The following B3GALT1 variants were observed in gnomAD, a reference collection of about 807,000 sequenced individuals.
B3GALT1 encodes the protein beta-1,3-galactosyltransferase 1.
A neutral mutation model predicts 23.2 loss-of-function variants in B3GALT1; 10 were observed. The ratio of observed to expected loss-of-function variants is 0.43; its 90% confidence interval spans 0.27 to 0.73. The LOEUF is 0.73. Ranked by LOEUF, B3GALT1 falls within the 30% of genes least tolerant of loss-of-function variation. B3GALT1 has a pLI of 0.21. For synonymous variants in B3GALT1, 156 were observed against 141.5 expected (o/e 1.10, Z -0.73); for missense variants, 299 against 405.4 (o/e 0.74, Z 2.25).
chr2:167,585,929 C>G (rs1381451228), intron 2 of B3GALT1, among the ~76,000 whole-genome samples: 1 of 152,150 alleles, frequency 6.6e-6, no homozygotes, highest in Non-Finnish European at 1.5e-5. Flanking sequence ...GTATATGTAT[C>G]CATTTTTATG....
intron 3 of B3GALT1, among the ~76,000 whole-genome samples, chr2:167,687,019 G>C (rs73017494): frequency 6.6e-6 from 1 of 152,110 alleles, no homozygotes; most frequent in African/African-American, 2.4e-5. Context: ...ATATTCTGCC[G>C]TGGGTGTGTT....
In B3GALT1 at chr2:167,798,641, C is replaced by T. The variant is rs545840990; in HGVS notation, c.-351-20031C>T. On this transcript the variant is annotated intron_variant, in intron 3 of 4. Transcript: ENST00000392690. ...TTCTCTATTATGTTCTATTGGTCTACGTGTCTATTTTTATACCAGTTCCAT... is the reference window on the plus strand; with the variant it reads ...TTCTCTATTATGTTCTATTGGTCTATGTGTCTATTTTTATACCAGTTCCAT... Among the ~76,000 whole-genome samples the T allele has an allele frequency of 3.3e-5, 5 of 152,122 alleles. No homozygotes were observed. In the East Asian group the frequency reaches 5.8e-4, roughly 18 times the overall value.
At chr2:167,353,497 A>G (rs1697350031) in intron 1 of B3GALT1, among the ~76,000 whole-genome samples, 1 of 151,048 alleles carries the variant, frequency 6.6e-6, no homozygotes, top group Non-Finnish European at 1.5e-5. Flanking sequence ...ACATTCAGCT[A>G]TTTTTATATA....
chr2:167,461,816 A>G (rs1574089464), intron 1 of B3GALT1, among the ~76,000 whole-genome samples: 1 of 152,162 alleles, frequency 6.6e-6, no homozygotes, highest in Admixed American at 6.5e-5. Context: ...TTAATATTTT[A>G]TATGTAATGT....
chr2:167,544,852 A>T (rs1683599979), intron 2 of B3GALT1, among the ~76,000 whole-genome samples: 1 of 152,122 alleles, frequency 6.6e-6, no homozygotes, highest in African/African-American at 2.4e-5. Context: ...ACGGGCTTCA[A>T]GGAATGAAGC....
At chr2:167,487,401 A>G (rs1447164009) in intron 1 of B3GALT1, among the ~76,000 whole-genome samples, 1 of 152,164 alleles carries the variant, frequency 6.6e-6, no homozygotes, top group Non-Finnish European at 1.5e-5. Flanking sequence ...TGTTATTGGC[A>G]TGTTTCCTCT....
intron 2 of B3GALT1, among the ~76,000 whole-genome samples, chr2:167,524,434 G>T (rs1683188557): frequency 6.6e-6 from 1 of 151,992 alleles, no homozygotes; most frequent in African/African-American, 2.4e-5. Context: ...TTTCCCAATG[G>T]CTATAAACTG....
intron 1 of B3GALT1, among the ~76,000 whole-genome samples, chr2:167,317,241 A>G (rs1696733754): frequency 6.6e-6 from 1 of 152,136 alleles, no homozygotes; most frequent in African/African-American, 2.4e-5. Context: ...ATTGCAGACA[A>G]TGTTACAGGA....
At chr2:167,327,770 TG>T (rs1696917359) in intron 1 of B3GALT1, among the ~76,000 whole-genome samples, 1 of 152,162 alleles carries the variant, frequency 6.6e-6, no homozygotes, top group African/African-American at 2.4e-5. Flanking sequence ...TGAATAGGAG[TG>T]GTGAAAGTGG....
At position 167,317,573 on chromosome 2, in the gene B3GALT1, A is replaced by G. The variant is rs950962948; in HGVS notation, c.-511+24239A>G. ...AAAAGACACTTCTATATTCTCCTTG[A>G]GTAAGGTGTTTACAGTTTTGTGTGG... On this transcript the variant is annotated intron_variant, in intron 1 of 4. Coordinates refer to ENST00000392690, the MANE Select transcript of B3GALT1 (RefSeq NM_020981.4). 9.9e-5 allele frequency among the ~76,000 whole-genome samples: 15 copies of G among 152,264 alleles called. No homozygotes were observed. In the East Asian group the frequency reaches 2.7e-3, roughly 27 times the overall value.
At chr2:167,674,830 T>C (rs1347973268) in intron 3 of B3GALT1, among the ~76,000 whole-genome samples, 1 of 152,212 alleles carries the variant, frequency 6.6e-6, no homozygotes, top group African/African-American at 2.4e-5. Flanking sequence ...TTAAATGTGA[T>C]GAATAGTTGC....
chr2:167,785,082 G>T (rs1436388167), intron 3 of B3GALT1, among the ~76,000 whole-genome samples: 1 of 152,178 alleles, frequency 6.6e-6, no homozygotes, highest in African/African-American at 2.4e-5. Flanking sequence ...AAGTCAGTAG[G>T]TTAAAACGAT....
intron 4 of B3GALT1, among the ~76,000 whole-genome samples, chr2:167,834,268 A>C (rs1321344697): frequency 6.6e-6 from 1 of 152,202 alleles, no homozygotes; most frequent in Non-Finnish European, 1.5e-5. Context: ...ATCTGTGCCC[A>C]GAGTAGAAAA....
At chr2:167,583,478 T>C (rs2105409610) in intron 2 of B3GALT1, among the ~76,000 whole-genome samples, 1 of 152,330 alleles carries the variant, frequency 6.6e-6, no homozygotes, top group Non-Finnish European at 1.5e-5. Flanking sequence ...TCGGGGAATG[T>C]CTTTTACAAG....
chr2:167,295,889 A>G (rs1465721515), intron 1 of B3GALT1, among the ~76,000 whole-genome samples: 4 of 152,122 alleles, frequency 2.6e-5, no homozygotes, highest in African/African-American at 4.8e-5. Flanking sequence ...AATTGTGTCA[A>G]TGGTCATAAA....
intron 1 of B3GALT1, among the ~76,000 whole-genome samples, chr2:167,343,790 GA>G (rs1195132903): frequency 6.6e-6 from 1 of 152,108 alleles, no homozygotes; most frequent in African/African-American, 2.4e-5. Context: ...CTTGCATGAT[GA>G]CCTCTGTATC....
intron 3 of B3GALT1, among the ~76,000 whole-genome samples, chr2:167,695,543 T>A (rs1228529271): frequency 1.3e-5 from 2 of 152,160 alleles, no homozygotes; most frequent in Non-Finnish European, 2.9e-5. Flanking sequence ...TAACCTGACT[T>A]CCCTATACGT....
At chr2:167,676,478 T>C (rs1178156810) in intron 3 of B3GALT1, among the ~76,000 whole-genome samples, 8 of 150,000 alleles carry the variant, frequency 5.3e-5, no homozygotes, top group African/African-American at 2.0e-4. Context: ...CTTATATATA[T>C]ATACACACAC....
chr2:167,579,529 G>C (rs1348500653), intron 2 of B3GALT1, among the ~76,000 whole-genome samples: 1 of 147,476 alleles, frequency 6.8e-6, no homozygotes, highest in Non-Finnish European at 1.5e-5. Flanking sequence ...TGAGCATTCT[G>C]GACATAGGTA....
Sources: allele counts gnomAD v4.1 joint callset (sites outside exome capture counted in the v4.1 genomes callset), GRCh38; gene constraint gnomAD v4.1.1; transcripts MANE v1.5; gene names NCBI Gene and HGNC (gene_info 2026-07-23, HGNC 2026-07-21).